DTD1: variants seen among roughly 807,000 people sequenced by gnomAD.
The protein encoded by DTD1 is D-aminoacyl-tRNA deacylase 1.
A neutral mutation model predicts 25.6 loss-of-function variants in DTD1; 13 were observed. The observed-to-expected ratio is 0.51, with a 90% CI of 0.33 to 0.81. The LOEUF is 0.81. Ranked by LOEUF, DTD1 falls within the 30% of genes least tolerant of loss-of-function variation. The pLI, the probability that DTD1 is intolerant of heterozygous loss-of-function variation, is 0.02. For missense variants in DTD1, 193 were observed against 266.4 expected, an observed-to-expected ratio of 0.72 and a Z score of 1.92; for synonymous variants, 110 against 103.6, an observed-to-expected ratio of 1.06 and a Z score of -0.37.
chr20:18,761,176 C>T (rs907111587), intron 5 of DTD1, among the ~76,000 whole-genome samples: 12 of 152,224 alleles, frequency 7.9e-5, no homozygotes, highest in South Asian at 2.1e-4. Context: ...TGGCCCCTTG[C>T]GCTTCCCGGG....
At chr20:18,600,729 A>G (rs1038862054) in intron 3 of DTD1, among the ~76,000 whole-genome samples, 2 of 152,218 alleles carry the variant, frequency 1.3e-5, no homozygotes, top group Admixed American at 6.5e-5. Context: ...CTCCCTGTCT[A>G]TGAACATGGA....
intron 3 of DTD1, among the ~76,000 whole-genome samples, chr20:18,625,293 T>C (rs2122305532): frequency 6.6e-6 from 1 of 152,330 alleles, no homozygotes; most frequent in Non-Finnish European, 1.5e-5. Flanking sequence ...GGGCCTGTAA[T>C]ACACCCATTT....
intron 4 of DTD1, among the ~76,000 whole-genome samples, chr20:18,665,201 G>A (rs1455326553): frequency 6.6e-6 from 1 of 152,210 alleles, no homozygotes; most frequent in Non-Finnish European, 1.5e-5. Flanking sequence ...CTGCTGCTGA[G>A]AGGAAGGTGG....
intron 3 of DTD1, among the ~76,000 whole-genome samples, chr20:18,610,437 G>C (rs1293770906): frequency 6.6e-6 from 1 of 152,120 alleles, no homozygotes; most frequent in East Asian, 1.9e-4. Flanking sequence ...TATATGAAGT[G>C]CCTGGGGCAA....
intron 4 of DTD1, among the ~76,000 whole-genome samples, chr20:18,710,011 C>T (rs966527820): frequency 1.3e-5 from 2 of 152,086 alleles, no homozygotes; most frequent in African/African-American, 4.8e-5. Context: ...GATTTGCTGA[C>T]TTCTGAGAGC....
intron 4 of DTD1, among the ~76,000 whole-genome samples, chr20:18,727,245 T>C (rs2061225763): frequency 6.6e-6 from 1 of 152,078 alleles, no homozygotes; most frequent in South Asian, 2.1e-4. Context: ...TGTTGTTTAG[T>C]GGGAACCTGG....
rs574181517 is a variant in DTD1 at position 18,678,558 on chromosome 20, C to T, written c.477+50325C>T. On this transcript the variant is annotated intron_variant, in intron 4 of 5. Coordinates refer to ENST00000377452, the MANE Select transcript of DTD1 (RefSeq NM_080820.6). ...GACCATATTGTAACTGTGATCTATTCTAAAATAAAAGATCTGAAAACATAT... is the reference window on the plus strand; with the variant it reads ...GACCATATTGTAACTGTGATCTATTTTAAAATAAAAGATCTGAAAACATAT... Among the ~76,000 whole-genome samples, 106 of 152,178 alleles carry T rather than the reference C, an allele frequency of 7.0e-4. 1 individual carries two copies. In the Middle Eastern group the frequency reaches 0.01, roughly 15 times the overall value.
intron 1 of DTD1, chr20:18,592,678 T>C (rs1256548070): frequency 2.0e-5 from 3 of 150,194 alleles, no homozygotes; most frequent in African/African-American, 7.3e-5. Context: ...GATGCATCTT[T>C]TTTTTTTTTT....
At chr20:18,632,293 T>G in intron 4 of DTD1, 1 of 985,484 alleles carries the variant, frequency 1.0e-6, no homozygotes, top group Non-Finnish European at 1.2e-6. Flanking sequence ...ATACACAAAT[T>G]GTCTTGCATC....
At chr20:18,720,829 G>A (rs1477390663) in intron 4 of DTD1, among the ~76,000 whole-genome samples, 2 of 152,008 alleles carry the variant, frequency 1.3e-5, no homozygotes, top group East Asian at 3.9e-4. Flanking sequence ...CTGCACTCCA[G>A]CCTGGGCGAC....
chr20:18,738,400 G>A (rs2061264998), intron 4 of DTD1, among the ~76,000 whole-genome samples: 2 of 152,192 alleles, frequency 1.3e-5, no homozygotes, highest in African/African-American at 4.8e-5. Flanking sequence ...GGCTTATAAC[G>A]TGAGGGTGGC....
chr20:18,705,196 G>A (rs1393846522), intron 4 of DTD1, among the ~76,000 whole-genome samples: 1 of 152,150 alleles, frequency 6.6e-6, no homozygotes, highest in East Asian at 1.9e-4. Flanking sequence ...AAGACTAGGA[G>A]TGCTGTTATG....
chr20:18,729,128 C>T (rs780410815), intron 4 of DTD1, among the ~76,000 whole-genome samples: 1 of 152,216 alleles, frequency 6.6e-6, no homozygotes. Context: ...CTCAGCCCCT[C>T]AAGGGGCTGG....
At chr20:18,662,946 T>G (rs1325452107) in intron 4 of DTD1, among the ~76,000 whole-genome samples, 1 of 152,108 alleles carries the variant, frequency 6.6e-6, no homozygotes, top group Non-Finnish European at 1.5e-5. Context: ...TTTTGTTGTG[T>G]AGTGGGAATG....
At chr20:18,743,958 G>A in intron 4 of DTD1, 142 bp from the exon 5 acceptor site, 1 of 764,128 alleles carries the variant, frequency 1.3e-6, no homozygotes. Flanking sequence ...TGTATAATTT[G>A]GTATATCTGA....
intron 4 of DTD1, chr20:18,632,569 A>G: frequency 3.0e-6 from 3 of 985,396 alleles, no homozygotes; most frequent in Non-Finnish European, 3.6e-6. Flanking sequence ...TGATAGATAA[A>G]CACGTGTTTC....
chr20:18,596,942 C>T (rs111949433), intron 3 of DTD1, among the ~76,000 whole-genome samples: 54 of 152,266 alleles, frequency 3.5e-4, no homozygotes, highest in African/African-American at 1.3e-3. Flanking sequence ...CATGGCACAT[C>T]ATTATCACCC....
chr20:18,645,078 G>A (rs1406385588), intron 4 of DTD1, among the ~76,000 whole-genome samples: 1 of 152,170 alleles, frequency 6.6e-6, no homozygotes, highest in Non-Finnish European at 1.5e-5. Flanking sequence ...TGAACCCAGG[G>A]GGTTGAGGCC....
intron 5 of DTD1, among the ~76,000 whole-genome samples, chr20:18,744,655 A>AAAAC (rs10632823): frequency 0.13 from 15,559 of 119,398 alleles, 2,136 homozygotes; most frequent in Non-Finnish European, 0.17. Context: ...AAAACAAAAA[A>AAAAC]CAAGTGAAAG....
Sources: allele counts gnomAD v4.1 joint callset (sites outside exome capture counted in the v4.1 genomes callset), GRCh38; gene constraint gnomAD v4.1.1; transcripts MANE v1.5; gene names NCBI Gene and HGNC (gene_info 2026-07-23, HGNC 2026-07-21).